Variants in ZNF664 observed in about 807,000 individuals in gnomAD.
ZNF664 encodes zinc finger Organ of Corti 1.
Under a neutral mutation model 18.2 loss-of-function variants are expected in ZNF664, and 10 were observed. The ratio of observed to expected loss-of-function variants is 0.55; its 90% confidence interval spans 0.34 to 0.93. The LOEUF is 0.93. Among genes scored for constraint, ZNF664 ranks in the 40% least tolerant of loss-of-function variants. ZNF664 has a pLI of 0.02. For synonymous variants in ZNF664, 119 were observed against 104.2 expected (o/e 1.14, Z -0.86); for missense variants, 193 against 319.0 (o/e 0.61, Z 3.01).
chr12:124,008,368 G>GGTTGTTCCTCTTTGACGT (rs1466822360), intron 3 of ZNF664, among the ~76,000 whole-genome samples: 6 of 152,204 alleles, frequency 3.9e-5, no homozygotes, highest in Non-Finnish European at 8.8e-5. Context: ...ACACGTGTCT[G>GGTTGTTCCTCTTTGACGT]GTTGTTCCTC....
At chr12:124,005,618 A>G (rs1317966214) in intron 3 of ZNF664, among the ~76,000 whole-genome samples, 1 of 152,124 alleles carries the variant, frequency 6.6e-6, no homozygotes, top group Non-Finnish European at 1.5e-5. Context: ...TGAAGTTCCA[A>G]GATTAAGTGG....
At chr12:123,994,202 C>T (rs1044130760) in intron 3 of ZNF664, among the ~76,000 whole-genome samples, 3 of 152,122 alleles carry the variant, frequency 2.0e-5, no homozygotes, top group Middle Eastern at 3.4e-3. Context: ...TGTTTGCATA[C>T]TTTCAGTCTT....
At chr12:123,985,499 A>G (rs1365307590) in intron 2 of ZNF664, among the ~76,000 whole-genome samples, 3 of 152,250 alleles carry the variant, frequency 2.0e-5, no homozygotes, top group Admixed American at 6.5e-5. Context: ...ATCATAAATG[A>G]CATTTTAAAA....
chr12:123,999,808 T>G (rs1370354905), intron 3 of ZNF664, among the ~76,000 whole-genome samples: 2 of 152,216 alleles, frequency 1.3e-5, no homozygotes, highest in African/African-American at 4.8e-5. Flanking sequence ...TTCTCCCTTT[T>G]CTGTGTGGCA....
At chr12:123,997,764 C>T (rs1279847288) in intron 3 of ZNF664, 12 of 152,324 alleles carry the variant, frequency 7.9e-5, no homozygotes, top group Admixed American at 7.2e-4. Context: ...ACCCAGTATA[C>T]TTTTTGCCTT....
chr12:123,987,961 GTAGC>G, intron 2 of ZNF664, 78 bp from the exon 3 acceptor site: 1 of 1,229,152 alleles, frequency 8.1e-7, no homozygotes, highest in Non-Finnish European at 1.0e-6. Context: ...CACGTTTATA[GTAGC>G]TAGTTCATGA....
rs1020565188 is a variant in ZNF664 at position 123,974,183 on chromosome 12, C to G, written c.-757+163C>G. ...TTCCCGTCCGGATCCATCTCTCCGC[C>G]ACATCACCTCTCATTTCCCCCAGAA... On this transcript the variant is annotated intron_variant, in intron 2 of 4. Transcript: ENST00000337815. 1.4e-5 allele frequency: 6 copies of G among 442,050 alleles called. No individual in the cohort carries two copies. The Admixed American group carries it at 1.8e-4, about 13-fold the overall frequency. 27.4% of individuals were successfully genotyped at this position (442,050 alleles called of 1,614,324 possible).
At chr12:123,979,097 A>G (rs1348831939) in intron 2 of ZNF664, among the ~76,000 whole-genome samples, 1 of 152,248 alleles carries the variant, frequency 6.6e-6, no homozygotes, top group Admixed American at 6.5e-5. Flanking sequence ...TAGGTAGGCC[A>G]TTTAGGTAAG....
intron 2 of ZNF664, among the ~76,000 whole-genome samples, chr12:123,978,059 G>C (rs958182465): frequency 6.6e-6 from 1 of 152,004 alleles, no homozygotes; most frequent in Non-Finnish European, 1.5e-5. Flanking sequence ...GGCACCTACA[G>C]GGCACTCAAA....
At chr12:123,983,666 C>G (rs1410833539) in intron 2 of ZNF664, among the ~76,000 whole-genome samples, 2 of 152,130 alleles carry the variant, frequency 1.3e-5, no homozygotes, top group Non-Finnish European at 2.9e-5. Context: ...AGAGTAAATC[C>G]TGTATGTCCC....
At chr12:123,977,054 T>A (rs1299009742) in intron 2 of ZNF664, among the ~76,000 whole-genome samples, 1 of 152,172 alleles carries the variant, frequency 6.6e-6, no homozygotes, top group Non-Finnish European at 1.5e-5. Context: ...CACTCCAGCC[T>A]GGGCAACAGA....
rs143423800 is a variant in ZNF664, at chr12:123,979,564, T to C, written c.-757+5544T>C. Among the ~76,000 whole-genome samples the C allele has an allele frequency of 7.9e-5, 12 of 152,350 alleles. No individual in the cohort carries two copies. In the East Asian group the frequency reaches 2.3e-3, roughly 29 times the overall value. On this transcript the variant is annotated intron_variant, in intron 2 of 4. Coordinates refer to ENST00000337815, the MANE Select transcript of ZNF664 (RefSeq NM_152437.3). ...ATTTTCATAGGAGAACATACGTTAA[T>C]ATAAACAATGTCTATTGCAGCGTCA...
intron 1 of ZNF664, 106 bp from the exon 2 acceptor site, chr12:123,973,780 C>A (rs1956635453): frequency 8.1e-7 from 1 of 1,228,248 alleles, no homozygotes; most frequent in African/African-American, 1.6e-5. Flanking sequence ...CGTCTTGGAG[C>A]CCTTCCAGGC....
At chr12:123,974,330 G>C in intron 2 of ZNF664, 1 of 302,442 alleles carries the variant, frequency 3.3e-6, no homozygotes. Flanking sequence ...TGCAACAAAG[G>C]AGACCAGATA....
chr12:124,008,645 TTG>T (rs1957100324), intron 3 of ZNF664, among the ~76,000 whole-genome samples: 3 of 152,312 alleles, frequency 2.0e-5, no homozygotes, highest in African/African-American at 7.2e-5. Context: ...AATTCCAATT[TTG>T]TTCAGTGCCT....
chr12:123,998,028 G>T (rs939221615), intron 3 of ZNF664, among the ~76,000 whole-genome samples: 2 of 152,176 alleles, frequency 1.3e-5, no homozygotes, highest in African/African-American at 4.8e-5. Context: ...GAGCCAAAGA[G>T]TGTTCCCTGT....
intron 2 of ZNF664, among the ~76,000 whole-genome samples, chr12:123,976,155 A>C (rs1465040005): frequency 6.6e-6 from 1 of 152,222 alleles, no homozygotes; most frequent in East Asian, 1.9e-4. Flanking sequence ...GAATTTAAAC[A>C]CAATCACAAC....
In ZNF664 at chr12:124,012,915, AAT is replaced by A; in HGVS notation, c.774_775del (p.Val260TyrfsTer12). 1 of 1,613,648 alleles carries A rather than the reference AAT, an allele frequency of 6.2e-7. No homozygotes were observed. Among genetic ancestry groups the A allele is most frequent in the Non-Finnish European group, 8.5e-7 (1 of 1,179,898 alleles). On this transcript the variant is annotated frameshift_variant, in exon 5 of 5. Transcript: ENST00000337815. LOFTEE classifies it high-confidence loss of function. Reference protein sequence around the residue: ...VHTKERNHLKISVI With the variant: ...VHTKERNHLKXSVI ...ACACAAAGGAGAGAAACCATCTCAA[AAT>A]ATCAGTTATATAAAACGTTTTGCTA...
intron 2 of ZNF664, among the ~76,000 whole-genome samples, chr12:123,982,350 T>C (rs1030366850): frequency 6.6e-6 from 1 of 152,172 alleles, no homozygotes; most frequent in African/African-American, 2.4e-5. Context: ...CGCTGGGAAG[T>C]TGGTGGCAGT....
Sources: allele counts gnomAD v4.1 joint callset (sites outside exome capture counted in the v4.1 genomes callset), GRCh38; gene constraint gnomAD v4.1.1; transcripts MANE v1.5; gene names NCBI Gene and HGNC (gene_info 2026-07-23, HGNC 2026-07-21).